MIS18A: variants seen among roughly 807,000 people sequenced by gnomAD.
The protein encoded by MIS18A is MIS18 kinetochore protein A, also known as protein Mis18-alpha.
Under a neutral mutation model 25.0 loss-of-function variants are expected in MIS18A, and 14 were observed. The observed-to-expected ratio is 0.56, with a 90% CI of 0.37 to 0.88. The LOEUF (loss-of-function observed/expected upper bound fraction) is 0.88, where lower values mean the gene tolerates loss of function less well. MIS18A is among the 40% of genes least tolerant of loss of function. MIS18A has a pLI of 0.00. For synonymous variants in MIS18A, 134 were observed against 118.6 expected (o/e 1.13, Z -0.84); for missense variants, 292 against 290.8 (o/e 1.00, Z -0.03).
At chr21:32,159,923 A>G in the MIS18A span, among the ~76,000 whole-genome samples, 1 of 152,126 alleles carries the variant, frequency 6.6e-6, no homozygotes, top group Non-Finnish European at 1.5e-5. Flanking sequence ...CAGGTGGTAA[A>G]TTGTTTTATA....
At chr21:32,161,497 TTTG>T in the MIS18A span, among the ~76,000 whole-genome samples, 6 of 151,054 alleles carry the variant, frequency 4.0e-5, no homozygotes, top group African/African-American at 1.2e-4. Flanking sequence ...TGTTTGTTTG[TTTG>T]TTGTTTTTGA....
the MIS18A span, among the ~76,000 whole-genome samples, chr21:32,242,506 AAG>A: frequency 9.2e-5 from 14 of 152,324 alleles, no homozygotes; most frequent in African/African-American, 3.4e-4. Context: ...TTAAAAAAAA[AAG>A]AAAAAGTTTT....
At position 32,278,972 on chromosome 21, in the gene MIS18A, C is replaced by T; in HGVS notation, c.43G>A (p.Gly15Ser). 6.2e-7 allele frequency: 1 copy of T among 1,611,738 alleles called. No individual in the cohort carries two copies. Among genetic ancestry groups the T allele is most frequent in the South Asian group, 1.1e-5 (1 of 91,076 alleles). Residue 15 changes from glycine to serine, a missense_variant, in exon 1 of 5, where the codon GGC becomes AGC. By Grantham distance (56) the Gly-to-Ser change is moderately conservative (BLOSUM62 0). Transcript: ENST00000290130. ...RSLRCSRGCA[G>S]GCECGDKGKC... Reference sequence around the variant, plus strand: ...CCCTTGTCGCCGCACTCACAGCCGCCAGCGCATCCTCTGCTACACCTCAGT... The same window carrying T: ...CCCTTGTCGCCGCACTCACAGCCGCTAGCGCATCCTCTGCTACACCTCAGT...
intron 1 of MIS18A, 34 bp from the exon 2 acceptor site, chr21:32,274,930 T>A: frequency 6.4e-7 from 1 of 1,556,546 alleles, no homozygotes; most frequent in Middle Eastern, 1.7e-4. Context: ...AATTTATTAA[T>A]GTAGTTCGTT....
At chr21:32,223,446 T>G in the MIS18A span, among the ~76,000 whole-genome samples, 1 of 152,160 alleles carries the variant, frequency 6.6e-6, no homozygotes, top group African/African-American at 2.4e-5. Flanking sequence ...ACTAAGGGGA[T>G]ATCACCACTG....
chr21:32,278,594 C>A, intron 1 of MIS18A, 87 bp downstream of exon 1: 4 of 1,330,994 alleles, frequency 3.0e-6, no homozygotes. Flanking sequence ...CCCCAAGGAG[C>A]CCCCGCCTCC....
the MIS18A span, among the ~76,000 whole-genome samples, chr21:32,161,224 C>G: frequency 6.6e-6 from 1 of 152,106 alleles, no homozygotes; most frequent in Non-Finnish European, 1.5e-5. Context: ...TTCAAGAATC[C>G]CATCGAGGAT....
the MIS18A span, among the ~76,000 whole-genome samples, chr21:32,204,458 C>T: frequency 9.2e-5 from 14 of 151,670 alleles, no homozygotes; most frequent in African/African-American, 2.9e-4. Context: ...GATCCCGCCA[C>T]CGCACTCCAG....
intron 2 of MIS18A, among the ~76,000 whole-genome samples, chr21:32,274,287 C>T (rs2123469035): frequency 7.0e-6 from 1 of 142,850 alleles, no homozygotes; most frequent in South Asian, 2.2e-4. Context: ...TCACTGCAAC[C>T]TCCACCTCCG....
At chr21:32,162,808 C>A in the MIS18A span, among the ~76,000 whole-genome samples, 1 of 152,150 alleles carries the variant, frequency 6.6e-6, no homozygotes, top group African/African-American at 2.4e-5. Context: ...CGAAAGTGAA[C>A]TGAATGCTGC....
chr21:32,163,997 G>A, the MIS18A span, among the ~76,000 whole-genome samples: 9 of 152,036 alleles, frequency 5.9e-5, no homozygotes, highest in Non-Finnish European at 1.2e-4. Flanking sequence ...GAGAAGAGGC[G>A]AGAGAGAGGA....
chr21:32,267,155 C>T (rs529013774), downstream of MIS18A, among the ~76,000 whole-genome samples: 90 of 152,370 alleles, frequency 5.9e-4, no homozygotes, highest in Non-Finnish European at 7.8e-4. Context: ...GGACCCCAGC[C>T]TTGGAAGTCC....
chr21:32,220,066 G>A, the MIS18A span, among the ~76,000 whole-genome samples: 3 of 152,212 alleles, frequency 2.0e-5, no homozygotes, highest in South Asian at 2.1e-4. Flanking sequence ...AGACTTAAAC[G>A]TTCCTGCCTG....
the MIS18A span, among the ~76,000 whole-genome samples, chr21:32,246,249 C>G: frequency 1.3e-5 from 2 of 152,176 alleles, no homozygotes; most frequent in African/African-American, 2.4e-5. Context: ...TGTACAAACT[C>G]TACCACCACC....
At chr21:32,170,582 A>G in the MIS18A span, among the ~76,000 whole-genome samples, 1 of 151,946 alleles carries the variant, frequency 6.6e-6, no homozygotes, top group Non-Finnish European at 1.5e-5. Context: ...TTGGAAGGAC[A>G]TAAGGAATAG....
chr21:32,205,173 C>T, the MIS18A span, among the ~76,000 whole-genome samples: 2 of 127,792 alleles, frequency 1.6e-5, no homozygotes, highest in African/African-American at 2.9e-5. Flanking sequence ...GGCTCGATCT[C>T]GGCTCACTGC....
the MIS18A span, among the ~76,000 whole-genome samples, chr21:32,235,434 T>C: frequency 6.6e-6 from 1 of 152,142 alleles, no homozygotes; most frequent in Non-Finnish European, 1.5e-5. Context: ...CCTCACTCCC[T>C]TCCTCCAAAG....
the MIS18A span, among the ~76,000 whole-genome samples, chr21:32,176,451 A>C: frequency 6.6e-6 from 1 of 152,220 alleles, no homozygotes; most frequent in African/African-American, 2.4e-5. Context: ...ACTTTAGCTA[A>C]AAATCCCTAG....
At chr21:32,235,615 G>A in the MIS18A span, among the ~76,000 whole-genome samples, 1 of 152,158 alleles carries the variant, frequency 6.6e-6, no homozygotes, top group Admixed American at 6.5e-5. Context: ...GGGAGAAATT[G>A]TGCCAGCAAA....
Sources: gnomAD v4.1 joint callset for allele counts (sites outside exome capture counted in the v4.1 genomes callset) on GRCh38, gnomAD v4.1.1 for gene constraint, MANE v1.5 for transcripts, NCBI Gene and HGNC (gene_info 2026-07-23, HGNC 2026-07-21) for gene names.